Variants in CCP110 observed in about 807,000 individuals in gnomAD.
The protein encoded by CCP110 is centriolar coiled-coil protein of 110 kDa.
CCP110 carries 43 observed loss-of-function variants against 105.5 expected under a neutral mutation model. The observed-to-expected ratio is 0.41, with a 90% CI of 0.32 to 0.53. The LOEUF is 0.53. Among genes scored for constraint, CCP110 ranks in the 20% least tolerant of loss-of-function variants. CCP110 has a pLI of 0.32. For missense variants in CCP110, 1,016 were observed against 1,189.1 expected (o/e 0.85, Z 2.14); for synonymous variants, 353 against 392.1 (o/e 0.90, Z 1.18).
chr16:19,537,669 AGTG>A (rs1228438647), intron 4 of CCP110, 82 bp downstream of exon 4: 3 of 792,390 alleles, frequency 3.8e-6, no homozygotes, highest in African/African-American at 3.5e-5. Flanking sequence ...TTGGGAAAAA[AGTG>A]GTCTTTATTC....
chr16:19,527,782 A>T (rs1969723921), intron 1 of CCP110, 85 bp from the exon 2 acceptor site: 1 of 1,000,914 alleles, frequency 1.0e-6, no homozygotes, highest in Non-Finnish European at 1.4e-6. Context: ...AATTATAGGG[A>T]CTCTCTCATG....
Position 19,548,103 on chromosome 16 carries a change from G to A in CCP110, c.2900+89G>A, listed in dbSNP as rs1021538674. On this transcript the variant is annotated intron_variant, in intron 13 of 14. Transcript: ENST00000381396. This position sits in a 1 kb window ranked among gnomAD's most constrained non-coding sequence, Gnocchi z 4.1. ...ATAAATCTAGTGTTCTTTATGTAAA[G>A]GATAATGGTTTTTCAATGGGATTTT... is the stretch of plus-strand genomic sequence containing the variant. 3 of 938,548 alleles carry A rather than the reference G, an allele frequency of 3.2e-6. No homozygotes were observed. Among genetic ancestry groups the A allele is most frequent in the Non-Finnish European group, 3.4e-6 (2 of 587,708 alleles). The allele number at this position is 938,548 out of a possible 1,614,324, so 58.1% of individuals were successfully genotyped here. A position where few individuals can be genotyped will look rare whatever the true frequency, so the allele number is the denominator to read the frequency against.
chr16:19,549,354 A>T (rs992991481), intron 14 of CCP110, among the ~76,000 whole-genome samples: 5 of 152,236 alleles, frequency 3.3e-5, no homozygotes, highest in Non-Finnish European at 7.3e-5. Context: ...GGCATTGAAG[A>T]TTAAACCTTT....
intron 2 of CCP110, among the ~76,000 whole-genome samples, chr16:19,531,654 A>T (rs1969870404): frequency 1.3e-5 from 2 of 152,254 alleles, no homozygotes; most frequent in Admixed American, 1.3e-4. Flanking sequence ...TGTAGAATCC[A>T]GTTGATCCAG....
chr16:19,544,939 A>G lies in CCP110; in HGVS notation c.2586+41A>G, dbSNP rs563503757. 1.6e-5 allele frequency: 16 copies of G among 989,302 alleles called. No individual in the cohort carries two copies. The African/African-American group carries it at 2.7e-4, about 17-fold the overall frequency. The allele number at this position is 989,302 out of a possible 1,614,324, so 61.3% of individuals were successfully genotyped here. A position where few individuals can be genotyped will look rare whatever the true frequency, so the allele number is the denominator to read the frequency against. On this transcript the variant is annotated intron_variant, in intron 9 of 14. Transcript: ENST00000381396. Reference sequence around the variant, plus strand: ...CTGAAGGCTTTTAAGACATGGACATATTATATTTCTCCTTTTTTATTTAAT... The same window carrying G: ...CTGAAGGCTTTTAAGACATGGACATGTTATATTTCTCCTTTTTTATTTAAT...
chr16:19,529,208 G>A (rs1423221842), intron 2 of CCP110, among the ~76,000 whole-genome samples: 1 of 152,184 alleles, frequency 6.6e-6, no homozygotes, highest in Non-Finnish European at 1.5e-5. Context: ...TTTCTGGGGA[G>A]TGGTGAGAGA....
chr16:19,545,558 T>C (rs1038010525), intron 10 of CCP110, among the ~76,000 whole-genome samples: 4 of 152,144 alleles, frequency 2.6e-5, no homozygotes, highest in East Asian at 1.9e-4. Context: ...CCAAGTTAAT[T>C]TGAAGTATAT....
chr16:19,551,203 T>G lies in CCP110; in HGVS notation c.2994T>G (p.Tyr998Ter). ...GTTTTGCTCTATTTTTAGGAGTATA[T>G]GCAGGAAAAATCCAAAGAAAGCGGC... The change falls in exon 15 of 15, where the codon TAT (tyrosine) becomes TAG (stop). Residue 998 changes from tyrosine to a stop codon, truncating the protein, a stop_gained. Coordinates refer to ENST00000381396, the Ensembl canonical transcript of CCP110. LOFTEE classifies it high-confidence loss of function. 1 of 1,608,980 alleles carries G rather than the reference T, an allele frequency of 6.2e-7. No homozygotes were observed. Among genetic ancestry groups the G allele is most frequent in the Non-Finnish European group, 8.5e-7 (1 of 1,175,290 alleles).
At chr16:19,535,391 G>C (rs1430057870) in intron 3 of CCP110, among the ~76,000 whole-genome samples, 6 of 152,124 alleles carry the variant, frequency 3.9e-5, no homozygotes, top group Admixed American at 1.3e-4. Flanking sequence ...AAACTTTGGA[G>C]TAAGCATGTA....
At chr16:19,541,015 G>T (rs1167271659) in intron 5 of CCP110, among the ~76,000 whole-genome samples, 1 of 152,092 alleles carries the variant, frequency 6.6e-6, no homozygotes, top group African/African-American at 2.4e-5. Context: ...TTGAATCCTT[G>T]ATTTAAAGCT....
exon 4 of CCP110, chr16:19,536,724 A>T: frequency 6.2e-7 from 1 of 1,614,178 alleles, no homozygotes; most frequent in Non-Finnish European, 8.5e-7. Flanking sequence ...ACCGAAAATA[A>T]TGTTATCAAA....
At chr16:19,540,523 C>G in intron 4 of CCP110, 134 bp from the exon 5 acceptor site, 3 of 711,856 alleles carry the variant, frequency 4.2e-6, no homozygotes, top group Non-Finnish European at 2.3e-6. Context: ...AGTAGAGACC[C>G]AGCTATATCT....
exon 4 of CCP110, chr16:19,537,174 C>T (rs1164267503): frequency 2.5e-5 from 40 of 1,614,034 alleles, no homozygotes; most frequent in Non-Finnish European, 3.3e-5. Flanking sequence ...GCTGCGATGC[C>T]AAAGCTGCAT....
intron 2 of CCP110, among the ~76,000 whole-genome samples, chr16:19,531,576 A>G (rs984289587): frequency 6.6e-6 from 1 of 152,244 alleles, no homozygotes; most frequent in Non-Finnish European, 1.5e-5. Context: ...TTATTTTATC[A>G]TTAAACCTTT....
intron 8 of CCP110, among the ~76,000 whole-genome samples, chr16:19,543,629 G>A (rs545609402): frequency 6.6e-6 from 1 of 152,246 alleles, no homozygotes; most frequent in African/African-American, 2.4e-5. Context: ...GTGCAAGTAG[G>A]GAAGATATTG....
chr16:19,552,696 T>C (rs1970682045), exon 15 of CCP110: 1 of 152,212 alleles, frequency 6.6e-6, no homozygotes, highest in Admixed American at 6.5e-5. Context: ...TTTAAAGAGA[T>C]ACTGGTATTT....
At chr16:19,528,821 C>T (rs1464951530) in intron 2 of CCP110, among the ~76,000 whole-genome samples, 1 of 152,144 alleles carries the variant, frequency 6.6e-6, no homozygotes, top group Non-Finnish European at 1.5e-5. Context: ...TCGCTTGAAC[C>T]TAGGAGTTGC....
exon 5 of CCP110, chr16:19,540,714 TAGA>T (rs1970246832): frequency 6.2e-7 from 1 of 1,612,888 alleles, no homozygotes. Context: ...CGGAAGAGAC[TAGA>T]AGAACAGCAC....
chr16:19,537,172 G>A, exon 4 of CCP110: 1 of 1,614,192 alleles, frequency 6.2e-7, no homozygotes, highest in South Asian at 1.1e-5. Context: ...GTGCTGCGAT[G>A]CCAAAGCTGC....
Sources: allele counts gnomAD v4.1 joint callset (sites outside exome capture counted in the v4.1 genomes callset), GRCh38; gene constraint gnomAD v4.1.1; non-coding constraint Gnocchi (gnomAD v3.1); transcripts MANE v1.5; gene names NCBI Gene and HGNC (gene_info 2026-07-23, HGNC 2026-07-21).